Variants in PRPSAP1 observed in about 807,000 individuals in gnomAD.
The protein encoded by PRPSAP1 is phosphoribosyl pyrophosphate synthetase associated protein 1, also known as phosphoribosyl pyrophosphate synthase-associated protein 1.
In PRPSAP1, 31 loss-of-function variants were observed where a neutral mutation model predicts 39.4. The observed-to-expected ratio is 0.79, with a 90% CI of 0.59 to 1.06. The LOEUF (loss-of-function observed/expected upper bound fraction) is 1.06. Among genes scored for constraint, PRPSAP1 ranks in the 50% least tolerant of loss-of-function variants. PRPSAP1 has a pLI of 0.00. For missense variants in PRPSAP1, 430 were observed against 511.6 expected (o/e 0.84, Z 1.54); for synonymous variants, 212 against 192.6 (o/e 1.10, Z -0.83).
At chr17:76,318,805 G>A (rs982231210) in intron 7 of PRPSAP1, among the ~76,000 whole-genome samples, 2 of 152,228 alleles carry the variant, frequency 1.3e-5, no homozygotes, top group East Asian at 1.9e-4. Flanking sequence ...GATGACTGCC[G>A]GGGAAACCAT....
In PRPSAP1 at chr17:76,348,579, C is replaced by A. The variant is rs767082446; in HGVS notation, c.173G>T (p.Arg58Leu). 2 of 1,530,232 alleles carry A rather than the reference C, an allele frequency of 1.3e-6. No homozygotes were observed. Among genetic ancestry groups the A allele is most frequent in the Admixed American group, 2.5e-5 (1 of 40,486 alleles). 94.8% of individuals were successfully genotyped at this position (1,530,232 alleles called of 1,614,324 possible). ...CTELAKRITE[R>L]LGAELGKSVV... The stretch of plus-strand genomic sequence containing the variant: ...AGACTTCCCCAATTCAGCACCAAGG[C>A]GCCTATAGATCAAAAAGAACAAAAA... Residue 58 changes from arginine to leucine, a missense_variant and splice_region_variant, in exon 2 of 10, where the codon CGC (arginine) becomes CTC (leucine). Arg to Leu is a moderately radical substitution (Grantham distance 102). This residue lies in a region of PRPSAP1 where 152 missense variants were observed against 135.2 expected (regional missense o/e 1.12). Transcript: ENST00000446526.
At chr17:76,346,295 G>A (rs570772516) in intron 2 of PRPSAP1, among the ~76,000 whole-genome samples, 27 of 152,298 alleles carry the variant, frequency 1.8e-4, no homozygotes, top group African/African-American at 6.3e-4. Context: ...GATTGATGTG[G>A]GGAAAGCACC....
intron 3 of PRPSAP1, among the ~76,000 whole-genome samples, chr17:76,340,629 G>A (rs922656235): frequency 1.3e-4 from 19 of 151,898 alleles, no homozygotes; most frequent in African/African-American, 3.2e-4. Context: ...GGTGGCTCGC[G>A]CCTGTAATGC....
chr17:76,323,590 G>A (rs771796556), intron 7 of PRPSAP1, among the ~76,000 whole-genome samples: 16 of 152,200 alleles, frequency 1.1e-4, no homozygotes, highest in Middle Eastern at 3.4e-3. Context: ...CTGCAGATGT[G>A]GTGGAAAGAG....
At chr17:76,341,178 A>G (rs2071433090) in intron 3 of PRPSAP1, among the ~76,000 whole-genome samples, 1 of 151,752 alleles carries the variant, frequency 6.6e-6, no homozygotes, top group Non-Finnish European at 1.5e-5. Flanking sequence ...GTCCAACTCA[A>G]ATTCCAGATT....
At chr17:76,311,731 G>A in intron 9 of PRPSAP1, 31 bp from the exon 10 acceptor site, 3 of 1,598,856 alleles carry the variant, frequency 1.9e-6, no homozygotes, top group South Asian at 2.3e-5. Context: ...AACAAACGCT[G>A]TTACTGAAGT....
chr17:76,338,222 A>T (rs896642890), intron 3 of PRPSAP1, among the ~76,000 whole-genome samples: 15 of 152,224 alleles, frequency 9.9e-5, no homozygotes, highest in Admixed American at 3.9e-4. Context: ...AAGCAAAAAC[A>T]GCACCAAAAA....
chr17:76,338,620 T>C (rs2071403510), intron 3 of PRPSAP1, among the ~76,000 whole-genome samples: 1 of 151,966 alleles, frequency 6.6e-6, no homozygotes, highest in Admixed American at 6.6e-5. Context: ...GGAGAATTGC[T>C]TGAACCCAGG....
At chr17:76,340,156 A>AG (rs1286449266) in intron 3 of PRPSAP1, among the ~76,000 whole-genome samples, 1 of 150,728 alleles carries the variant, frequency 6.6e-6, no homozygotes, top group African/African-American at 2.5e-5. Flanking sequence ...AAAAAAAAAA[A>AG]AAAAAAAAGA....
In PRPSAP1 at chr17:76,312,997, AC is replaced by A; in HGVS notation, c.871del (p.Val291TrpfsTer11). 1 of 1,613,816 alleles carries A rather than the reference AC, an allele frequency of 6.2e-7. No individual in the cohort carries two copies. The highest frequency in any genetic ancestry group is 8.5e-7 in the Non-Finnish European group (1 of 1,179,972). ...CTCCGCGGCAGCAACAAAACTCTCC[AC>A]ATCGTCAATAATGTCATCCTGGGAG... Reference protein sequence around the residue: ...AIIVDDIIDDVESFVAAAEIL... With the variant: ...AIIVDDIIDDXESFVAAAEIL... On this transcript the variant is annotated frameshift_variant, in exon 9 of 10. Coordinates refer to ENST00000446526, the MANE Select transcript of PRPSAP1 (RefSeq NM_002766.3). LOFTEE classifies it high-confidence loss of function.
At chr17:76,318,138 G>T (rs1240377322) in intron 7 of PRPSAP1, among the ~76,000 whole-genome samples, 1 of 152,088 alleles carries the variant, frequency 6.6e-6, no homozygotes, top group Non-Finnish European at 1.5e-5. Context: ...TCACCCATGG[G>T]CAAGAAGTAG....
intron 7 of PRPSAP1, among the ~76,000 whole-genome samples, chr17:76,315,077 A>G (rs1020611947): frequency 6.6e-6 from 1 of 152,236 alleles, no homozygotes; most frequent in African/African-American, 2.4e-5. Context: ...CTTGAAGACA[A>G]TAACTCCAGG....
In PRPSAP1 at chr17:76,339,907, A is replaced by G. The variant is rs189178932; in HGVS notation, c.290+4764T>C. On this transcript the variant is annotated intron_variant, in intron 3 of 9. Transcript: ENST00000446526. ...AGCACCTCGGGAGGCCGGGGCAAGC[A>G]GATCAGCTGAGCTCAGGAGTTCAAG... Among the ~76,000 whole-genome samples, 127 of 151,766 alleles carry G rather than the reference A, an allele frequency of 8.4e-4. 4 individuals carry two copies. Among genetic ancestry groups the G allele is most frequent in the African/African-American group, 3.0e-3 (123 of 41,092 alleles).
chr17:76,331,283 G>A (rs961143387), intron 4 of PRPSAP1, among the ~76,000 whole-genome samples: 6 of 152,156 alleles, frequency 3.9e-5, no homozygotes, highest in African/African-American at 1.4e-4. Context: ...CTTCCAGGGT[G>A]TAGAACCAGT....
rs1304381555 is a variant in PRPSAP1 at position 76,332,325 on chromosome 17, C to G, written c.401G>C (p.Ser134Thr). 1 of 1,614,068 alleles carries G rather than the reference C, an allele frequency of 6.2e-7. No individual in the cohort carries two copies. The highest frequency in any genetic ancestry group is 8.5e-7 in the Non-Finnish European group (1 of 1,180,054). Residue 134 changes from serine (S) to threonine (T), a missense_variant, in exon 4 of 10, where the codon AGC becomes ACC. Ser to Thr is a moderately conservative substitution (Grantham distance 58). Coordinates refer to ENST00000446526, the MANE Select transcript of PRPSAP1 (RefSeq NM_002766.3). ...AATGGAACCCCTCTTCCTCATCTTG[C>G]TCTGCTTGCTGTAGGGGAAGTAGGG... ...VIPYFPYSKQ[S>T]KMRKRGSIVC...
chr17:76,316,694 A>C (rs975623974), intron 7 of PRPSAP1, among the ~76,000 whole-genome samples: 5 of 152,250 alleles, frequency 3.3e-5, no homozygotes, highest in Admixed American at 2.6e-4. Context: ...TGAATTGTGC[A>C]ACATTACTTG....
chr17:76,331,871 G>A (rs1459509763), intron 4 of PRPSAP1, among the ~76,000 whole-genome samples: 1 of 152,038 alleles, frequency 6.6e-6, no homozygotes, highest in Non-Finnish European at 1.5e-5. Flanking sequence ...GTGGGGGAGA[G>A]GGAGTAAAAG....
At chr17:76,348,607 G>A (rs769796404) in intron 1 of PRPSAP1, 26 bp from the exon 2 acceptor site, 1 of 1,511,804 alleles carries the variant, frequency 6.6e-7, no homozygotes, top group South Asian at 1.4e-5. Flanking sequence ...AACAAAAAAG[G>A]GAAATTAAGA....
At chr17:76,313,104 CTCAGTT>C in intron 8 of PRPSAP1, 88 bp from the exon 9 acceptor site, 1 of 1,434,924 alleles carries the variant, frequency 7.0e-7, no homozygotes, top group Non-Finnish European at 9.3e-7. Context: ...CTCTTCTGCA[CTCAGTT>C]TCAGAGGATT....
Sources: allele counts gnomAD v4.1 joint callset (sites outside exome capture counted in the v4.1 genomes callset), GRCh38; gene constraint gnomAD v4.1.1; regional missense constraint gnomAD v4.1.1; transcripts MANE v1.5; gene names NCBI Gene and HGNC (gene_info 2026-07-23, HGNC 2026-07-21).